The following MARS1 variants were observed in gnomAD, a reference collection of about 807,000 sequenced individuals.
MARS1 encodes the protein methionyl-tRNA synthetase 1.
A neutral mutation model predicts 119.5 loss-of-function variants in MARS1; 80 were observed. The ratio of observed to expected loss-of-function variants is 0.67; its 90% CI spans 0.56 to 0.81. MARS1 has a LOEUF of 0.81. MARS1 is among the 30% of genes least tolerant of loss of function. The probability of loss-of-function intolerance (pLI) is 0.00; values close to 1 mark genes in which losing one functional copy is unlikely to be tolerated. For synonymous variants in MARS1, 418 were observed against 433.4 expected (o/e 0.96, Z 0.44); for missense variants, 945 against 1,116.5 (o/e 0.85, Z 2.19).
chr12:57,499,284 CAAAAAA>C (rs35924774), intron 9 of MARS1, among the ~76,000 whole-genome samples: 2 of 37,912 alleles, frequency 5.3e-5, no homozygotes, highest in Admixed American at 3.1e-4. Context: ...AACTCTGTCT[CAAAAAA>C]AAAAAAAAAA....
rs773923580 is a variant in MARS1, at chr12:57,504,214, T to G, written c.1294-11T>G. The G allele has an allele frequency of 6.2e-7, 1 of 1,611,926 alleles. No individual in the cohort carries two copies. The highest frequency in any genetic ancestry group is 8.5e-7 in the Non-Finnish European group (1 of 1,178,064). On this transcript the variant is annotated splice_polypyrimidine_tract_variant and intron_variant, in intron 10 of 20. Transcript: ENST00000262027. ...CAGGCCTGATCTGTCCTCTGGAATT[T>G]TCCTTCGCAGAAGCCTCAGTGTAAA...
At chr12:57,489,663 A>C in intron 4 of MARS1, 105 bp downstream of exon 4, 1 of 1,483,160 alleles carries the variant, frequency 6.7e-7, no homozygotes, top group Non-Finnish European at 9.2e-7. Context: ...ACTTACTAGT[A>C]GTGTAATCTT....
chr12:57,493,880 TATATA>T, intron 7 of MARS1, among the ~76,000 whole-genome samples: 2 of 55,302 alleles, frequency 3.6e-5, no homozygotes, highest in Non-Finnish European at 6.1e-5. Context: ...ATATATATAA[TATATA>T]ATATATATTT....
chr12:57,497,030 A>G (rs1412582712), intron 7 of MARS1, among the ~76,000 whole-genome samples: 3 of 152,172 alleles, frequency 2.0e-5, no homozygotes, highest in East Asian at 3.8e-4. Flanking sequence ...ATTTGCCTCT[A>G]TACTTGCCAC....
intron 11 of MARS1, among the ~76,000 whole-genome samples, chr12:57,508,814 A>G (rs1365057209): frequency 6.6e-6 from 1 of 152,168 alleles, no homozygotes; most frequent in Non-Finnish European, 1.5e-5. Context: ...CACCCGCCTT[A>G]GCCTCCCAAA....
intron 10 of MARS1, among the ~76,000 whole-genome samples, chr12:57,501,003 C>T (rs1876892165): frequency 6.6e-6 from 1 of 152,130 alleles, no homozygotes; most frequent in Non-Finnish European, 1.5e-5. Context: ...GAATAAACTG[C>T]CAGGAAAATG....
intron 7 of MARS1, among the ~76,000 whole-genome samples, chr12:57,493,604 T>TAC (rs1565640637): frequency 7.9e-5 from 1 of 12,722 alleles, no homozygotes; most frequent in Non-Finnish European, 1.3e-4. Flanking sequence ...TAATATATAA[T>TAC]ATATAATATA....
chr12:57,489,243 ATC>A, intron 2 of MARS1, 22 bp from the exon 3 acceptor site: 1 of 1,612,634 alleles, frequency 6.2e-7, no homozygotes, highest in South Asian at 1.1e-5. Context: ...TAAGTCCATC[ATC>A]TGTTGCTCTC....
chr12:57,513,692 C>T (rs548763744), intron 15 of MARS1, among the ~76,000 whole-genome samples: 22 of 151,094 alleles, frequency 1.5e-4, no homozygotes, highest in Non-Finnish European at 2.7e-4. Context: ...CACATTCTAT[C>T]ATTGGTGCCT....
intron 11 of MARS1, among the ~76,000 whole-genome samples, chr12:57,504,695 ATTTTTTTTTTT>A (rs34351056): frequency 4.8e-5 from 4 of 83,584 alleles, no homozygotes; most frequent in South Asian, 9.6e-4. Flanking sequence ...TGCCTGACTG[ATTTTTTTTTTT>A]TTTTTTTTTT....
intron 7 of MARS1, among the ~76,000 whole-genome samples, chr12:57,497,824 G>A (rs1320537215): frequency 6.6e-6 from 1 of 152,080 alleles, no homozygotes; most frequent in Non-Finnish European, 1.5e-5. Flanking sequence ...GGTAATGATT[G>A]GACAGAGCCT....
intron 17 of MARS1, 21 bp from the exon 18 acceptor site, chr12:57,515,129 C>T: frequency 1.2e-6 from 2 of 1,614,130 alleles, no homozygotes; most frequent in East Asian, 2.2e-5. Context: ...GAGGTCTTGA[C>T]TAATGTCTCC....
At chr12:57,490,702 G>A (rs1875873806) in intron 7 of MARS1, 58 bp downstream of exon 7, 1 of 1,484,232 alleles carries the variant, frequency 6.7e-7, no homozygotes, top group Admixed American at 1.7e-5. Context: ...ATTGTTGATA[G>A]AGCCAGAACC....
At chr12:57,490,780 CTTTTTT>C (rs35674919) in intron 7 of MARS1, 136 bp downstream of exon 7, 9 of 255,580 alleles carry the variant, frequency 3.5e-5, no homozygotes, top group Non-Finnish European at 6.1e-5. Context: ...TCTTACATCT[CTTTTTT>C]TTTTTTTTTT....
At chr12:57,510,046 CTG>C (rs1254178180) in intron 11 of MARS1, among the ~76,000 whole-genome samples, 1 of 152,218 alleles carries the variant, frequency 6.6e-6, no homozygotes. Flanking sequence ...GGGTCTCACT[CTG>C]TCACCCAGGC....
intron 10 of MARS1, among the ~76,000 whole-genome samples, chr12:57,503,724 T>G (rs1397012573): frequency 6.6e-6 from 1 of 152,052 alleles, no homozygotes; most frequent in Non-Finnish European, 1.5e-5. Context: ...GTATTTTTAG[T>G]AGATACGGGG....
chr12:57,489,337 G>C lies in MARS1; in HGVS notation c.271G>C (p.Glu91Gln), dbSNP rs369551432. Reference sequence around the variant, plus strand: ...CCAGTGGCTGGAATGGGAAGCGACAGAGCTGCAGGTAGGACTAAGGTATGG... The same window carrying C: ...CCAGTGGCTGGAATGGGAAGCGACACAGCTGCAGGTAGGACTAAGGTATGG... ...TNQWLEWEAT[E>Q]LQPALSAALY... Residue 91 changes from glutamate to glutamine, a missense_variant, in exon 3 of 21, where the codon GAG (glutamate) becomes CAG (glutamine). Glu to Gln is a conservative substitution (Grantham distance 29). Coordinates refer to ENST00000262027, the MANE Select transcript of MARS1 (RefSeq NM_004990.4). 1.2e-6 allele frequency: 2 copies of C among 1,614,068 alleles called. No individual in the cohort carries two copies. Among genetic ancestry groups the C allele is most frequent in the Non-Finnish European group, 1.7e-6 (2 of 1,180,030 alleles).
In MARS1 at chr12:57,515,025, C is replaced by A; in HGVS notation, c.2171C>A (p.Pro724His). 1 of 1,614,074 alleles carries A rather than the reference C, an allele frequency of 6.2e-7. No homozygotes were observed. The highest frequency in any genetic ancestry group is 1.1e-5 in the South Asian group (1 of 91,078). ...AACCAATATATTCAGGTGAATGAGC[C>A]CTGGAAGCGGATTAAAGGCAGTGAG... is the stretch of plus-strand genomic sequence containing the variant. ...HGNQYIQVNE[P>H]WKRIKGSEAD... Residue 724 changes from proline to histidine, a missense_variant, in exon 17 of 21, where the codon CCC (proline) becomes CAC (histidine). Coordinates refer to ENST00000262027, the MANE Select transcript of MARS1 (RefSeq NM_004990.4).
At position 57,498,163 on chromosome 12, in the gene MARS1, T is replaced by A. The variant is rs2140016547; in HGVS notation, c.777T>A (p.Pro259=). 6.2e-7 allele frequency: 1 copy of A among 1,611,964 alleles called. No homozygotes were observed. Among genetic ancestry groups the A allele is most frequent in the East Asian group, 2.2e-5 (1 of 44,886 alleles). The change falls in exon 8 of 21, where the codon CCT becomes CCA. Residue 259 remains proline (P), a synonymous_variant. Coordinates refer to ENST00000262027, the MANE Select transcript of MARS1 (RefSeq NM_004990.4). The stretch of plus-strand genomic sequence containing the variant: ...CTTCCTCTTTCCTTACTAGGTTGCC[T>A]GTGGCTGGAGAAAGGAATGTGCTCA... The part of the protein sequence containing the change: ...PLRPQQNPVL[P]VAGERNVLIT...
Sources: gnomAD v4.1 joint callset for allele counts (sites outside exome capture counted in the v4.1 genomes callset) on GRCh38, gnomAD v4.1.1 for gene constraint, MANE v1.5 for transcripts, NCBI Gene and HGNC (gene_info 2026-07-23, HGNC 2026-07-21) for gene names.